PPP1R8: variants seen among roughly 807,000 people sequenced by gnomAD.
The protein encoded by PPP1R8 is protein phosphatase 1 regulatory subunit 8, also known as nuclear inhibitor of protein phosphatase 1.
Under a neutral mutation model 31.3 loss-of-function variants are expected in PPP1R8, and 4 were observed. The observed-to-expected ratio is 0.13, with a 90% CI of 0.06 to 0.29. The LOEUF (loss-of-function observed/expected upper bound fraction) is 0.29. Among genes scored for constraint, PPP1R8 ranks in the 10% least tolerant of loss-of-function variants. The pLI is 1.00. For synonymous variants in PPP1R8, 170 were observed against 169.7 expected (o/e 1.00, Z -0.01); for missense variants, 254 against 440.1 (o/e 0.58, Z 3.78).
chr1:27,842,107 G>A (rs559736260), intron 4 of PPP1R8, among the ~76,000 whole-genome samples: 29 of 152,300 alleles, frequency 1.9e-4, no homozygotes, highest in Admixed American at 1.6e-3. Context: ...TCGGGAGGCC[G>A]AGGTGGGCGG....
chr1:27,842,934 C>T (rs1224977440), intron 4 of PPP1R8, among the ~76,000 whole-genome samples: 3 of 152,130 alleles, frequency 2.0e-5, no homozygotes, highest in Non-Finnish European at 2.9e-5. Context: ...AGCTCAAGGC[C>T]CTTTACCTCT....
chr1:27,848,165 G>A (rs977863732), intron 6 of PPP1R8, among the ~76,000 whole-genome samples: 11 of 152,182 alleles, frequency 7.2e-5, no homozygotes, highest in African/African-American at 2.7e-4. Flanking sequence ...CACTTTGGGA[G>A]GCCGAGGTGG....
chr1:27,833,527 C>A (rs1405987294), intron 2 of PPP1R8, among the ~76,000 whole-genome samples: 1 of 152,242 alleles, frequency 6.6e-6, no homozygotes. Flanking sequence ...TTCAAGAGAA[C>A]ATGAGTTTTT....
At chr1:27,832,342 G>C (rs1035035716) in intron 1 of PPP1R8, among the ~76,000 whole-genome samples, 1 of 152,164 alleles carries the variant, frequency 6.6e-6, no homozygotes, top group Admixed American at 6.5e-5. Flanking sequence ...TCTGTGATGA[G>C]ACTAATCTTG....
At chr1:27,842,411 A>AG (rs2089232410) in intron 4 of PPP1R8, among the ~76,000 whole-genome samples, 1 of 151,944 alleles carries the variant, frequency 6.6e-6, no homozygotes, top group Admixed American at 6.6e-5. Context: ...GTGGCTTCAT[A>AG]GCCAGGGACC....
At chr1:27,838,634 G>A (rs1320483087) in intron 2 of PPP1R8, 65 bp from the exon 3 acceptor site, 4 of 1,086,756 alleles carry the variant, frequency 3.7e-6, no homozygotes, top group Non-Finnish European at 3.7e-6. Context: ...TCTCTATTTG[G>A]GAGAGTTTTT....
chr1:27,842,747 A>T (rs2089235287), intron 4 of PPP1R8, among the ~76,000 whole-genome samples: 2 of 152,236 alleles, frequency 1.3e-5, no homozygotes, highest in South Asian at 4.1e-4. Flanking sequence ...CTAGGAAGGA[A>T]GCAGCCAGTT....
At chr1:27,848,226 C>T (rs1052095158) in intron 6 of PPP1R8, among the ~76,000 whole-genome samples, 3 of 152,078 alleles carry the variant, frequency 2.0e-5, no homozygotes, top group African/African-American at 7.2e-5. Flanking sequence ...CACGGTGAAA[C>T]CCCGTCGCTA....
At position 27,830,860 on chromosome 1, in the gene PPP1R8, T is replaced by C. The variant is rs2089093387; in HGVS notation, c.25T>C (p.Ser9Pro). MAAAANSGSSLPLFDCPTW... is the reference protein window; with the variant it reads MAAAANSGPSLPLFDCPTW... Reference sequence around the variant, plus strand: ...GATGGCGGCAGCCGCGAACTCCGGCTCTAGCCTCCCGCTGTTCGACTGCCC... The same window carrying C: ...GATGGCGGCAGCCGCGAACTCCGGCCCTAGCCTCCCGCTGTTCGACTGCCC... Residue 9 changes from serine (S) to proline (P), a missense_variant, in exon 1 of 7, where the codon TCT becomes CCT. Physicochemically the swap from Ser to Pro is moderately conservative, Grantham distance 74. Transcript: ENST00000311772. The C allele has an allele frequency of 1.9e-6, 3 of 1,576,008 alleles. No individual in the cohort carries two copies. The highest frequency in any genetic ancestry group is 2.6e-6 in the Non-Finnish European group (3 of 1,161,854).
intron 6 of PPP1R8, among the ~76,000 whole-genome samples, chr1:27,849,404 ACATGGACATACCACATTTTTTCCCCCTC>A: frequency 6.6e-6 from 1 of 152,054 alleles, no homozygotes; most frequent in Admixed American, 6.6e-5. Context: ...TGCACACCAA[ACATGGACATACCACATTTTTTCCCCCTC>A]AAAAAAGGGT....
chr1:27,838,804 G>A lies in PPP1R8; in HGVS notation c.223G>A (p.Val75Ile). The A allele has an allele frequency of 1.2e-6, 2 of 1,612,218 alleles. No homozygotes were observed. The highest frequency in any genetic ancestry group is 1.7e-6 in the Non-Finnish European group (2 of 1,179,290). ...QSCSRVHAAL[V>I]YHKHLKRVFL... ...TTGCTCTCGGGTCCATGCTGCACTT[G>A]TCTACCACAAGCATCTGAAGAGAGT... Residue 75 changes from valine to isoleucine, a missense_variant, in exon 3 of 7, where the codon GTC (valine) becomes ATC (isoleucine). Val to Ile is a conservative substitution (Grantham distance 29). Around this residue, in one of 6 missense-constraint regions of PPP1R8, gnomAD observed 52 missense variants for 145.3 expected, o/e 0.36. Transcript: ENST00000311772.
At chr1:27,849,088 C>T (rs114178904) in intron 6 of PPP1R8, among the ~76,000 whole-genome samples, 3,189 of 152,116 alleles carry the variant, frequency 0.021, 88 homozygotes, top group African/African-American at 0.071. Context: ...AATTGGACAC[C>T]AGGTCGGGCG....
rs146372016 is a variant in PPP1R8, at chr1:27,843,367, T to G, written c.637+37T>G. 1.8e-4 allele frequency: 295 copies of G among 1,613,638 alleles called. No homozygotes were observed. The African/African-American group carries it at 3.7e-3, about 20-fold the overall frequency. On this transcript the variant is annotated intron_variant, in intron 5 of 6. Coordinates refer to ENST00000311772, the MANE Select transcript of PPP1R8 (RefSeq NM_014110.5). ...TGCTAGTTTATTCTGATGAAAAAGC[T>G]GTGGTTGGCCCGGGCGCGGTGGCTC...
intron 4 of PPP1R8, 48 bp from the exon 5 acceptor site, chr1:27,843,138 A>T: frequency 6.2e-7 from 1 of 1,604,054 alleles, no homozygotes; most frequent in Non-Finnish European, 8.5e-7. Flanking sequence ...TCTCCATCAG[A>T]TTCCCTTTGT....
At chr1:27,840,344 TC>T (rs2089211227) in intron 3 of PPP1R8, among the ~76,000 whole-genome samples, 1 of 152,190 alleles carries the variant, frequency 6.6e-6, no homozygotes, top group South Asian at 2.1e-4. Flanking sequence ...TATATAAGGG[TC>T]TTGGAGAGCT....
intron 6 of PPP1R8, among the ~76,000 whole-genome samples, chr1:27,848,246 C>CA (rs943736174): frequency 5.3e-5 from 8 of 151,312 alleles, no homozygotes; most frequent in Middle Eastern, 3.4e-3. Flanking sequence ...ACTGAAAATA[C>CA]AAAAAAAAAT....
chr1:27,843,065 C>A, intron 4 of PPP1R8, 121 bp from the exon 5 acceptor site: 1 of 1,155,910 alleles, frequency 8.7e-7, no homozygotes, highest in Non-Finnish European at 1.2e-6. Context: ...AGAAGTGTCT[C>A]AACTCCCTTT....
At chr1:27,832,286 C>T (rs1470203802) in intron 1 of PPP1R8, among the ~76,000 whole-genome samples, 1 of 152,192 alleles carries the variant, frequency 6.6e-6, no homozygotes, top group East Asian at 1.9e-4. Flanking sequence ...CCTAATTATG[C>T]ACCTCTGATT....
In PPP1R8 at chr1:27,850,865, C is replaced by A. The variant is rs74065445; in HGVS notation, c.*419C>A. On this transcript the variant is annotated 3_prime_UTR_variant, in exon 7 of 7. Transcript: ENST00000311772. Reference sequence around the variant, plus strand: ...TTATATTCACTATCCTTCCAAGTCCCGGGTAGCAGAAGGGTTGCCATAGAT... The same window carrying A: ...TTATATTCACTATCCTTCCAAGTCCAGGGTAGCAGAAGGGTTGCCATAGAT... 0.018 allele frequency: 2,879 copies of A among 159,434 alleles called. 79 individuals carry two copies. The highest frequency in any genetic ancestry group is 0.059 in the African/African-American group (2,456 of 41,710). 9.9% of individuals were successfully genotyped at this position (159,434 alleles called of 1,614,324 possible). A position where few individuals can be genotyped will look rare whatever the true frequency, so the allele number is the denominator to read the frequency against.
Sources: allele counts gnomAD v4.1 joint callset (sites outside exome capture counted in the v4.1 genomes callset), GRCh38; gene constraint gnomAD v4.1.1; regional missense constraint gnomAD v4.1.1; transcripts MANE v1.5; gene names NCBI Gene and HGNC (gene_info 2026-07-23, HGNC 2026-07-21).